Variants in TCF23 observed in about 807,000 individuals in gnomAD.
TCF23 encodes the protein transcription factor 23.
Under a neutral mutation model 13.0 loss-of-function variants are expected in TCF23, and 7 were observed. The observed-to-expected ratio is 0.54, with a 90% confidence interval of 0.31 to 1.01. The LOEUF (loss-of-function observed/expected upper bound fraction) is 1.01, where lower values mean the gene tolerates loss of function less well. Ranked by LOEUF, TCF23 falls within the 50% of genes least tolerant of loss-of-function variation. TCF23 has a pLI of 0.06. For missense variants in TCF23, 257 were observed against 289.8 expected, an observed-to-expected ratio of 0.89 and a Z score of 0.82; for synonymous variants, 122 against 119.5, an observed-to-expected ratio of 1.02 and a Z score of -0.14.
chr2:27,151,007 C>G (rs186551329), intron 2 of TCF23, among the ~76,000 whole-genome samples: 1 of 152,212 alleles, frequency 6.6e-6, no homozygotes, highest in Non-Finnish European at 1.5e-5. Flanking sequence ...TTTGCAATAA[C>G]AGCTAACAGT....
rs2148428516 is a variant in TCF23, at chr2:27,149,028, G to A, written c.-106G>A. 1 of 1,110,830 alleles carries A rather than the reference G, an allele frequency of 9.0e-7. No homozygotes were observed. The highest frequency in any genetic ancestry group is 2.6e-5 in the East Asian group (1 of 38,696). The allele number at this position is 1,110,830 out of a possible 1,614,324, so 68.8% of individuals were successfully genotyped here. A position where few individuals can be genotyped will look rare whatever the true frequency, so the allele number is the denominator to read the frequency against. On this transcript the variant is annotated 5_prime_UTR_variant, in exon 1 of 3. The change abolishes an upstream ATG in the 5' untranslated region. Coordinates refer to ENST00000296096, the MANE Select transcript of TCF23 (RefSeq NM_175769.3). Reference sequence around the variant, plus strand: ...TGAGTTGGCGCCAGCTTCCTCGGATGTAGATATTGCTGGCTGGATGACCAG... The same window carrying A: ...TGAGTTGGCGCCAGCTTCCTCGGATATAGATATTGCTGGCTGGATGACCAG...
At position 27,153,535 on chromosome 2, in the gene TCF23, C is replaced by T. The variant is rs1295021845; in HGVS notation, c.*668C>T. On this transcript the variant is annotated 3_prime_UTR_variant, in exon 3 of 3. Coordinates refer to ENST00000296096, the MANE Select transcript of TCF23 (RefSeq NM_175769.3). ...CTTTTCTTTTCTTTTCTTTTCTTTT[C>T]GTTTCTTCTTCTTTTTATGTAGAGA... is the stretch of plus-strand genomic sequence containing the variant. The T allele has an allele frequency of 6.5e-6, 1 of 154,696 alleles. No individual in the cohort carries two copies. Among genetic ancestry groups the T allele is most frequent in the African/African-American group, 2.6e-5 (1 of 38,526 alleles). The allele number at this position is 154,696 out of a possible 1,614,324, so 9.6% of individuals were successfully genotyped here. A position where few individuals can be genotyped will look rare whatever the true frequency, so the allele number is the denominator to read the frequency against.
chr2:27,150,056 A>G lies in TCF23; in HGVS notation c.223-67A>G. ...ACTCTGGTGGGAGACCTTGTGCTCA[A>G]ACGCTCTCAGAAGTCAGGGCAGTTG... On this transcript the variant is annotated intron_variant, in intron 1 of 2. Coordinates refer to ENST00000296096, the MANE Select transcript of TCF23 (RefSeq NM_175769.3). This position sits in a 1 kb window ranked among gnomAD's most constrained non-coding sequence, Gnocchi z 4.1. 6.4e-7 allele frequency: 1 copy of G among 1,552,360 alleles called. No homozygotes were observed. Among genetic ancestry groups the G allele is most frequent in the Non-Finnish European group, 8.7e-7 (1 of 1,151,758 alleles).
At position 27,153,682 on chromosome 2, in the gene TCF23, T is replaced by C. The variant is rs1672798319; in HGVS notation, c.*815T>C. 3 of 152,364 alleles carry C rather than the reference T, an allele frequency of 2.0e-5. No homozygotes were observed. The highest frequency in any genetic ancestry group is 2.0e-4 in the Admixed American group (3 of 15,264). 9.4% of individuals were successfully genotyped at this position (152,364 alleles called of 1,614,324 possible). ...AGCCACCATGCCCAACCCCACTGTTTTCTTGACATGAGTTATATCTACAGG... is the reference window on the plus strand; with the variant it reads ...AGCCACCATGCCCAACCCCACTGTTCTCTTGACATGAGTTATATCTACAGG... On this transcript the variant is annotated 3_prime_UTR_variant, in exon 3 of 3. Coordinates refer to ENST00000296096, the MANE Select transcript of TCF23 (RefSeq NM_175769.3).
intron 2 of TCF23, among the ~76,000 whole-genome samples, chr2:27,152,284 A>T (rs1247024355): frequency 6.6e-6 from 1 of 152,244 alleles, no homozygotes; most frequent in African/African-American, 2.4e-5. Flanking sequence ...AACCTGGTGT[A>T]TTCTGGGACT....
rs1230923087 is a variant in TCF23 at position 27,154,316 on chromosome 2, A to C, written c.*1449A>C. On this transcript the variant is annotated 3_prime_UTR_variant, in exon 3 of 3. Transcript: ENST00000296096. ...TTTCGGTTAAATTTCAGCCCTTCAGAGTGGGAGGGGACGGGCATGACCAAC... is the reference window on the plus strand; with the variant it reads ...TTTCGGTTAAATTTCAGCCCTTCAGCGTGGGAGGGGACGGGCATGACCAAC... The C allele has an allele frequency of 6.6e-6, 1 of 152,172 alleles. No homozygotes were observed. Among genetic ancestry groups the C allele is most frequent in the Non-Finnish European group, 1.5e-5 (1 of 68,032 alleles). The allele number at this position is 152,172 out of a possible 1,614,324, so 9.4% of individuals were successfully genotyped here. A position where few individuals can be genotyped will look rare whatever the true frequency, so the allele number is the denominator to read the frequency against.
Position 27,156,325 on chromosome 2 carries a change from TA to T in TCF23, c.*3474del, listed in dbSNP as rs770756000. On this transcript the variant is annotated 3_prime_UTR_variant, in exon 3 of 3. Transcript: ENST00000296096. Reference sequence around the variant, plus strand: ...TGGGCAACAAGAGTAAAACTCCGTCTAAAAAAAAAAAAAAAATGCGGCTGTG... The same window carrying T: ...TGGGCAACAAGAGTAAAACTCCGTCTAAAAAAAAAAAAAAATGCGGCTGTG... 0.012 allele frequency: 1,518 copies of T among 131,280 alleles called. 5 individuals are homozygous for T. The highest frequency in any genetic ancestry group is 0.02 in the Admixed American group (267 of 13,146). The allele number at this position is 131,280 out of a possible 1,614,324, so 8.1% of individuals were successfully genotyped here.
chr2:27,150,134 T>C lies in TCF23; in HGVS notation c.234T>C (p.Ser78=), dbSNP rs1318890355. The change falls in exon 2 of 3, where the codon AGT becomes AGC. Residue 78 remains serine, a synonymous_variant. Coordinates refer to ENST00000296096, the MANE Select transcript of TCF23 (RefSeq NM_175769.3). The surrounding 1 kb of genome is among the most constrained non-coding windows in gnomAD (Gnocchi z 4.1). ...GGLALGRSEA[S]PENAARERSR... ...GGCCCTCTGTGCAGAGCGAGGCCAG[T>C]CCTGAGAATGCCGCGCGGGAGCGGA... 6.2e-7 allele frequency: 1 copy of C among 1,604,562 alleles called. No individual in the cohort carries two copies. Among genetic ancestry groups the C allele is most frequent in the East Asian group, 2.2e-5 (1 of 44,812 alleles).
rs973629370 is a variant in TCF23, at chr2:27,149,043, TG to T, written c.-89del. The T allele has an allele frequency of 4.7e-6, 6 of 1,268,530 alleles. No individual in the cohort carries two copies. Among genetic ancestry groups the T allele is most frequent in the Admixed American group, 4.7e-5 (2 of 42,622 alleles). 78.6% of individuals were successfully genotyped at this position (1,268,530 alleles called of 1,614,324 possible). On this transcript the variant is annotated 5_prime_UTR_variant, in exon 1 of 3. Coordinates refer to ENST00000296096, the MANE Select transcript of TCF23 (RefSeq NM_175769.3). ...TTCCTCGGATGTAGATATTGCTGGC[TG>T]GATGACCAGCCACAGCCAGCTAGCT...
intron 1 of TCF23, 191 bp from the exon 2 acceptor site, chr2:27,149,932 C>A: frequency 1.1e-6 from 1 of 918,202 alleles, no homozygotes. Flanking sequence ...GACCCCTGGC[C>A]AGGCCTTCCC....
rs901624301 is a variant in TCF23 at position 27,152,618 on chromosome 2, G to T, written c.466-70G>T. 5 of 1,555,596 alleles carry T rather than the reference G, an allele frequency of 3.2e-6. No homozygotes were observed. The African/African-American group carries it at 4.1e-5, about 13-fold the overall frequency. ...GATGCTGGAGAAGGCTGGGTTTTGG[G>T]TGTCAAGGATCCTGGACCACGAAGG... On this transcript the variant is annotated intron_variant, in intron 2 of 2. Coordinates refer to ENST00000296096, the MANE Select transcript of TCF23 (RefSeq NM_175769.3).
rs779211928 is a variant in TCF23, at chr2:27,149,185, A to G, written c.52A>G (p.Ser18Gly). 1.2e-5 allele frequency: 18 copies of G among 1,552,046 alleles called. No homozygotes were observed. Among genetic ancestry groups the G allele is most frequent in the Non-Finnish European group, 1.6e-5 (18 of 1,147,782 alleles). The change falls in exon 1 of 3, where the codon AGC (serine) becomes GGC (glycine). Residue 18 changes from serine to glycine, a missense_variant. Ser to Gly is a moderately conservative substitution (Grantham distance 56). Transcript: ENST00000296096. Reference protein sequence around the residue: ...GPPAMPGVGHSQTQAKARLLP... With the variant: ...GPPAMPGVGHGQTQAKARLLP... ...ACCAGCCATGCCAGGGGTGGGGCAT[A>G]GCCAGACTCAGGCCAAAGCACGGTT...
Position 27,150,396 on chromosome 2 carries a change from G to A in TCF23, c.465+31G>A, listed in dbSNP as rs371360340. The A allele has an allele frequency of 9.3e-5, 149 of 1,603,576 alleles. No homozygotes were observed. The highest frequency in any genetic ancestry group is 8.7e-4 in the East Asian group (39 of 44,604). On this transcript the variant is annotated intron_variant, in intron 2 of 2. Coordinates refer to ENST00000296096, the MANE Select transcript of TCF23 (RefSeq NM_175769.3). This position sits in a 1 kb window ranked among gnomAD's most constrained non-coding sequence, Gnocchi z 4.1. ...TCACAAGCCCTGGGACTTGAGAGGC[G>A]GATCTTAATGCCCAGGGCCTTGGAG...
rs1162223939 is a variant in TCF23 at position 27,149,054 on chromosome 2, C to T, written c.-80C>T. On this transcript the variant is annotated 5_prime_UTR_variant, in exon 1 of 3. Transcript: ENST00000296096. ...TAGATATTGCTGGCTGGATGACCAG[C>T]CACAGCCAGCTAGCTTGAGTCCAAG... is the stretch of plus-strand genomic sequence containing the variant. 2.2e-6 allele frequency: 3 copies of T among 1,348,420 alleles called. No individual in the cohort carries two copies. The highest frequency in any genetic ancestry group is 1.5e-5 in the African/African-American group (1 of 68,820). The allele number at this position is 1,348,420 out of a possible 1,614,324, so 83.5% of individuals were successfully genotyped here. A position where few individuals can be genotyped will look rare whatever the true frequency, so the allele number is the denominator to read the frequency against.
intron 2 of TCF23, among the ~76,000 whole-genome samples, chr2:27,152,305 C>T (rs969460818): frequency 3.3e-5 from 5 of 152,266 alleles, no homozygotes; most frequent in African/African-American, 1.2e-4. Flanking sequence ...GCTCATGCTC[C>T]TGCTGGAAAG....
intron 2 of TCF23, among the ~76,000 whole-genome samples, chr2:27,152,224 C>A (rs569838055): frequency 6.6e-6 from 1 of 152,376 alleles, no homozygotes; most frequent in African/African-American, 2.4e-5. Flanking sequence ...GCAGCTCCCT[C>A]AGCTCCCAGG....
At chr2:27,151,398 A>C (rs1369854792) in intron 2 of TCF23, among the ~76,000 whole-genome samples, 2 of 151,952 alleles carry the variant, frequency 1.3e-5, no homozygotes, top group Non-Finnish European at 2.9e-5. Flanking sequence ...GCAGTGGCGC[A>C]ATCTTGGCTC....
rs764416990 is a variant in TCF23, at chr2:27,152,696, G to A, written c.474G>A (p.Pro158=). 37 of 1,613,128 alleles carry A rather than the reference G, an allele frequency of 2.3e-5. No individual in the cohort carries two copies. Among genetic ancestry groups the A allele is most frequent in the East Asian group, 4.5e-5 (2 of 44,874 alleles). ...LRYLHPLKKW[P]MRSRLYAGGL... is the part of the protein sequence containing the mutation. ...CAATCTGTGTCTTGCAGAAGTGGCCGATGCGATCTCGTCTCTATGCTGGAG... is the reference window on the plus strand; with the variant it reads ...CAATCTGTGTCTTGCAGAAGTGGCCAATGCGATCTCGTCTCTATGCTGGAG... Residue 158 remains proline (P), a synonymous_variant, in exon 3 of 3, where the codon CCG becomes CCA. Transcript: ENST00000296096.
At position 27,152,838 on chromosome 2, in the gene TCF23, C is replaced by A; in HGVS notation, c.616C>A (p.Pro206Thr). 6.2e-7 allele frequency: 1 copy of A among 1,614,016 alleles called. No homozygotes were observed. Among genetic ancestry groups the A allele is most frequent in the Non-Finnish European group, 8.5e-7 (1 of 1,179,944 alleles). The change falls in exon 3 of 3, where the codon CCA becomes ACA. Residue 206 changes from proline to threonine, a missense_variant. Transcript: ENST00000296096. ...GEADALLSTT[P>T]LSPALGDK Reference sequence around the variant, plus strand: ...GGCAGATGCTCTCCTTTCCACCACACCACTCTCACCAGCTCTTGGTGACAA... The same window carrying A: ...GGCAGATGCTCTCCTTTCCACCACAACACTCTCACCAGCTCTTGGTGACAA...
Sources: gnomAD v4.1 joint callset for allele counts (sites outside exome capture counted in the v4.1 genomes callset) on GRCh38, gnomAD v4.1.1 for gene constraint, Gnocchi (gnomAD v3.1) non-coding constraint, MANE v1.5 for transcripts, NCBI Gene and HGNC (gene_info 2026-07-23, HGNC 2026-07-21) for gene names.